ENOPH1: variants seen among roughly 807,000 people sequenced by gnomAD.
ENOPH1 encodes enolase-phosphatase 1, also known as enolase-phosphatase E1.
In ENOPH1, 14 loss-of-function variants were observed where a neutral mutation model predicts 31.1. The ratio of observed to expected loss-of-function variants is 0.45; its 90% CI spans 0.30 to 0.70. The LOEUF (loss-of-function observed/expected upper bound fraction) is 0.70. Among genes scored for constraint, ENOPH1 ranks in the 30% least tolerant of loss-of-function variants. The pLI is 0.09. For synonymous variants in ENOPH1, 127 were observed against 123.2 expected (o/e 1.03, Z -0.21); for missense variants, 243 against 321.5 (o/e 0.76, Z 1.87).
At chr4:82,451,310 C>A in intron 3 of ENOPH1, 65 bp downstream of exon 3, 5 of 1,475,602 alleles carry the variant, frequency 3.4e-6, no homozygotes, top group Non-Finnish European at 4.7e-6. Flanking sequence ...TTTCACCAGT[C>A]CTCTCTTTCC....
At chr4:82,437,526 G>T (rs1430819981) in intron 1 of ENOPH1, among the ~76,000 whole-genome samples, 1 of 152,112 alleles carries the variant, frequency 6.6e-6, no homozygotes, top group Non-Finnish European at 1.5e-5. Context: ...CCAAGTGTGG[G>T]TCCCATGCAC....
intron 1 of ENOPH1, among the ~76,000 whole-genome samples, chr4:82,433,963 C>T (rs1234059850): frequency 6.6e-6 from 1 of 152,136 alleles, no homozygotes; most frequent in Non-Finnish European, 1.5e-5. Context: ...GTAGCCCTTC[C>T]TTCTGTGGAA....
intron 1 of ENOPH1, among the ~76,000 whole-genome samples, chr4:82,441,596 T>A (rs1722042814): frequency 6.6e-6 from 1 of 152,120 alleles, no homozygotes; most frequent in African/African-American, 2.4e-5. Flanking sequence ...ATGGCGCCAC[T>A]GCACTCCAGC....
intron 2 of ENOPH1, among the ~76,000 whole-genome samples, chr4:82,449,057 CAAAAAAAAAAA>C (rs10604951): frequency 2.0e-5 from 1 of 49,524 alleles, no homozygotes; most frequent in African/African-American, 8.4e-5. Flanking sequence ...GACTCCGTCT[CAAAAAAAAAAA>C]AAAAAAAAAA....
chr4:82,442,081 A>G (rs1362938719), intron 1 of ENOPH1, among the ~76,000 whole-genome samples: 6 of 152,180 alleles, frequency 3.9e-5, no homozygotes, highest in Non-Finnish European at 7.3e-5. Flanking sequence ...AGTCATTCTG[A>G]TTGGAATTTG....
At chr4:82,446,369 C>T (rs1262627400) in intron 1 of ENOPH1, among the ~76,000 whole-genome samples, 2 of 151,616 alleles carry the variant, frequency 1.3e-5, no homozygotes, top group African/African-American at 2.4e-5. Context: ...TTGCAGTGAG[C>T]CGAGATCTCA....
chr4:82,452,734 G>A (rs1452901319), intron 3 of ENOPH1, among the ~76,000 whole-genome samples: 3 of 151,874 alleles, frequency 2.0e-5, no homozygotes, highest in African/African-American at 7.3e-5. Context: ...CTACAGGTGC[G>A]TGCCACCACA....
intron 4 of ENOPH1, among the ~76,000 whole-genome samples, chr4:82,456,567 G>C (rs1722496330): frequency 6.6e-6 from 1 of 152,178 alleles, no homozygotes; most frequent in Admixed American, 6.5e-5. Context: ...TTCATCAGGA[G>C]TAAAATTCAA....
intron 3 of ENOPH1, among the ~76,000 whole-genome samples, chr4:82,452,993 C>T (rs1228247192): frequency 1.3e-5 from 2 of 151,730 alleles, no homozygotes; most frequent in Admixed American, 1.3e-4. Flanking sequence ...GCTCCGCCTC[C>T]TGGGTTCACG....
chr4:82,458,203 CTAAGT>C (rs1722539522), intron 5 of ENOPH1, among the ~76,000 whole-genome samples: 1 of 152,142 alleles, frequency 6.6e-6, no homozygotes. Flanking sequence ...GAATGAAAAA[CTAAGT>C]TAATATCCCA....
At chr4:82,436,554 G>A (rs896280440) in intron 1 of ENOPH1, among the ~76,000 whole-genome samples, 1 of 151,904 alleles carries the variant, frequency 6.6e-6, no homozygotes, top group African/African-American at 2.4e-5. Context: ...AGGTGTAGTG[G>A]CATGTGCCTG....
intron 1 of ENOPH1, among the ~76,000 whole-genome samples, chr4:82,439,474 G>A (rs369433319): frequency 1.3e-5 from 2 of 152,296 alleles, no homozygotes; most frequent in East Asian, 1.9e-4. Flanking sequence ...GGTCCAAGTC[G>A]TTGTAAGTTC....
In ENOPH1 at chr4:82,460,234, C is replaced by T; in HGVS notation, c.*114C>T. The T allele has an allele frequency of 9.5e-7, 1 of 1,057,958 alleles. No homozygotes were observed. Among genetic ancestry groups the T allele is most frequent in the Non-Finnish European group, 1.4e-6 (1 of 709,462 alleles). The allele number at this position is 1,057,958 out of a possible 1,614,324, so 65.5% of individuals were successfully genotyped here. On this transcript the variant is annotated 3_prime_UTR_variant, in exon 6 of 6. Transcript: ENST00000273920. ...AAAAACATATGTACACATATGTATG[C>T]AAGTATGTATATATGTGTATGCTCA...
At chr4:82,445,747 A>G (rs2110041839) in intron 1 of ENOPH1, among the ~76,000 whole-genome samples, 1 of 152,320 alleles carries the variant, frequency 6.6e-6, no homozygotes, top group Admixed American at 6.5e-5. Flanking sequence ...CCAGCAGCAA[A>G]TAATATTTAT....
At chr4:82,434,290 T>C (rs1721847994) in intron 1 of ENOPH1, among the ~76,000 whole-genome samples, 1 of 152,116 alleles carries the variant, frequency 6.6e-6, no homozygotes, top group Admixed American at 6.5e-5. Context: ...GCTATAAAAG[T>C]ATATGGTAAC....
At chr4:82,433,078 C>T (rs758603808) in intron 1 of ENOPH1, among the ~76,000 whole-genome samples, 2 of 152,180 alleles carry the variant, frequency 1.3e-5, no homozygotes, top group South Asian at 2.1e-4. Flanking sequence ...ACAGCTCACT[C>T]GTTCCACTCT....
Position 82,438,380 on chromosome 4 carries a change from A to G in ENOPH1, c.84+7467A>G, listed in dbSNP as rs1029396001. Among the ~76,000 whole-genome samples the G allele has an allele frequency of 3.9e-5, 6 of 152,214 alleles. No individual in the cohort carries two copies. In the East Asian group the frequency reaches 1.2e-3, roughly 29 times the overall value. The stretch of plus-strand genomic sequence containing the variant: ...ACTTATTGAGTAAAAGGGGTTGGGC[A>G]TGGTGGCTCACACCTGTAATCCCAG... On this transcript the variant is annotated intron_variant, in intron 1 of 5. Coordinates refer to ENST00000273920, the MANE Select transcript of ENOPH1 (RefSeq NM_021204.5).
intron 3 of ENOPH1, among the ~76,000 whole-genome samples, chr4:82,452,543 T>C (rs1722376736): frequency 6.6e-6 from 1 of 152,124 alleles, no homozygotes; most frequent in Admixed American, 6.5e-5. Context: ...CCACCCCATC[T>C]CAGCCTCCCA....
intron 1 of ENOPH1, among the ~76,000 whole-genome samples, chr4:82,444,022 G>A (rs894414493): frequency 1.3e-5 from 2 of 151,822 alleles, no homozygotes; most frequent in Non-Finnish European, 2.9e-5. Context: ...TTACAGGCTC[G>A]CGCCACCACA....
Sources: gnomAD v4.1 joint callset for allele counts (sites outside exome capture counted in the v4.1 genomes callset) on GRCh38, gnomAD v4.1.1 for gene constraint, MANE v1.5 for transcripts, NCBI Gene and HGNC (gene_info 2026-07-23, HGNC 2026-07-21) for gene names.